XPR1: variants seen among roughly 807,000 people sequenced by gnomAD.
XPR1 encodes solute carrier family 53 member 1.
XPR1 carries 28 observed loss-of-function variants against 87.5 expected under a neutral mutation model. The ratio of observed to expected loss-of-function variants is 0.32; its 90% CI spans 0.24 to 0.44. The LOEUF (loss-of-function observed/expected upper bound fraction) is 0.44. Among genes scored for constraint, XPR1 ranks in the 20% least tolerant of loss-of-function variants. The pLI, the probability that XPR1 is intolerant of heterozygous loss-of-function variation, is 1.00. For missense variants in XPR1, 559 were observed against 862.3 expected, an observed-to-expected ratio of 0.65 and a Z score of 4.41; for synonymous variants, 300 against 306.1, an observed-to-expected ratio of 0.98 and a Z score of 0.21.
intron 2 of XPR1, among the ~76,000 whole-genome samples, chr1:180,743,173 A>G (rs1658973689): frequency 6.9e-6 from 1 of 144,132 alleles, no homozygotes; most frequent in Non-Finnish European, 1.5e-5. Context: ...TGTTATTATT[A>G]TTATTTTTTT....
At chr1:180,692,991 T>C (rs1197355992) in intron 2 of XPR1, among the ~76,000 whole-genome samples, 1 of 152,216 alleles carries the variant, frequency 6.6e-6, no homozygotes, top group African/African-American at 2.4e-5. Context: ...GTTTTAGTTA[T>C]CACACAGTGT....
rs183743433 is a variant in XPR1 at position 180,645,443 on chromosome 1, G to A, written c.69+13173G>A. On this transcript the variant is annotated intron_variant, in intron 1 of 14. Coordinates refer to ENST00000367590, the MANE Select transcript of XPR1 (RefSeq NM_004736.4). ...TTTGAATGCAGCCACTTTATCTGCC[G>A]ACTTGATCACAGTTGTCCATCTCTC... Among the ~76,000 whole-genome samples the A allele has an allele frequency of 5.7e-3, 871 of 152,286 alleles. 5 individuals are homozygous for A. The highest frequency in any genetic ancestry group is 0.01 in the Non-Finnish European group (708 of 68,034).
chr1:180,804,443 AT>A (rs1381590586), intron 4 of XPR1, among the ~76,000 whole-genome samples: 1 of 152,208 alleles, frequency 6.6e-6, no homozygotes, highest in Non-Finnish European at 1.5e-5. Context: ...ATAAAATCAT[AT>A]TTTTTAAAAG....
At position 180,763,358 on chromosome 1, in the gene XPR1, A is replaced by G. The variant is rs187548444; in HGVS notation, c.122-24395A>G. 9.1e-4 allele frequency among the ~76,000 whole-genome samples: 138 copies of G among 152,336 alleles called. 1 individual carries two copies. In the Middle Eastern group the frequency reaches 0.01, roughly 11 times the overall value. On this transcript the variant is annotated intron_variant, in intron 2 of 14. Transcript: ENST00000367590. ...AATCTCTGGCCTGTGACTATTTTCA[A>G]TGATGATGATGAACAAGGTGGTGAC...
intron 1 of XPR1, among the ~76,000 whole-genome samples, chr1:180,651,606 C>A (rs1655293255): frequency 6.6e-6 from 1 of 152,008 alleles, no homozygotes; most frequent in African/African-American, 2.4e-5. Flanking sequence ...TGATAAAATA[C>A]AATAGTATTT....
intron 11 of XPR1, among the ~76,000 whole-genome samples, chr1:180,837,967 A>G (rs1651362210): frequency 6.6e-6 from 1 of 152,192 alleles, no homozygotes; most frequent in Non-Finnish European, 1.5e-5. Flanking sequence ...AATATTTTAG[A>G]ACATAATATA....
intron 11 of XPR1, among the ~76,000 whole-genome samples, chr1:180,859,090 A>G (rs1652134327): frequency 4.3e-3 from 2 of 468 alleles, no homozygotes; most frequent in African/African-American, 0.012. Context: ...GTGGTGCCAC[A>G]TTTTTCATTT....
At chr1:180,685,845 AT>A (rs1656752212) in intron 2 of XPR1, among the ~76,000 whole-genome samples, 1 of 151,848 alleles carries the variant, frequency 6.6e-6, no homozygotes, top group South Asian at 2.1e-4. Flanking sequence ...CCCCTTTATC[AT>A]TTTTTATTGT....
At position 180,756,888 on chromosome 1, in the gene XPR1, C is replaced by T. The variant is rs115402467; in HGVS notation, c.122-30865C>T. Reference sequence around the variant, plus strand: ...TTTTGCATATGATATTCAGTTGTCCCACCACCATTTGTTGAAAAGACTAGT... The same window carrying T: ...TTTTGCATATGATATTCAGTTGTCCTACCACCATTTGTTGAAAAGACTAGT... On this transcript the variant is annotated intron_variant, in intron 2 of 14. Coordinates refer to ENST00000367590, the MANE Select transcript of XPR1 (RefSeq NM_004736.4). Among the ~76,000 whole-genome samples the T allele has an allele frequency of 7.8e-3, 1,184 of 152,248 alleles. 16 individuals carry two copies. Among genetic ancestry groups the T allele is most frequent in the African/African-American group, 0.027 (1,131 of 41,546 alleles).
At chr1:180,708,908 TTGGG>T (rs1488113211) in intron 2 of XPR1, among the ~76,000 whole-genome samples, 18 of 25,684 alleles carry the variant, frequency 7.0e-4, no homozygotes, top group South Asian at 2.8e-3. Context: ...TTTTTTTTTT[TTGGG>T]GGGGGGGGGG....
intron 2 of XPR1, among the ~76,000 whole-genome samples, chr1:180,767,237 GT>G: frequency 6.6e-6 from 1 of 152,264 alleles, no homozygotes; most frequent in South Asian, 2.1e-4. Flanking sequence ...AATCAGAAGA[GT>G]TTTAATAATG....
chr1:180,704,814 G>GTTTTTTTTTTTTTTTTTTTTT (rs567903048), intron 2 of XPR1, among the ~76,000 whole-genome samples: 1 of 51,944 alleles, frequency 1.9e-5, no homozygotes, highest in Non-Finnish European at 3.5e-5. Context: ...ACTGTTGGTT[G>GTTTTTTTTTTTTTTTTTTTTT]TTTTTTTTTT....
intron 3 of XPR1, among the ~76,000 whole-genome samples, chr1:180,792,334 TAGTC>T (rs1649419014): frequency 6.6e-6 from 1 of 152,244 alleles, no homozygotes; most frequent in African/African-American, 2.4e-5. Context: ...TGTCTGTTTC[TAGTC>T]ATATCAAAAA....
rs1390577915 is a variant in XPR1 at position 180,790,667 on chromosome 1, G to C, written c.223+2813G>C. Among the ~76,000 whole-genome samples the C allele has an allele frequency of 2.6e-5, 4 of 151,900 alleles. No homozygotes were observed. The East Asian group carries it at 7.7e-4, about 29-fold the overall frequency. ...TCATTCTCCTGCCTCAGCCTCCCGA[G>C]TAGCTGGGACTACAGGCACCCACCA... On this transcript the variant is annotated intron_variant, in intron 3 of 14. Coordinates refer to ENST00000367590, the MANE Select transcript of XPR1 (RefSeq NM_004736.4).
chr1:180,741,324 G>A (rs902352586), intron 2 of XPR1, among the ~76,000 whole-genome samples: 73 of 151,672 alleles, frequency 4.8e-4, no homozygotes, highest in African/African-American at 1.6e-3. Flanking sequence ...CCACCACGCC[G>A]AGCTAATTTT....
chr1:180,811,263 C>G (rs765616126), intron 6 of XPR1, 144 bp from the exon 7 acceptor site: 28 of 688,124 alleles, frequency 4.1e-5, no homozygotes, highest in Non-Finnish European at 5.7e-5. Flanking sequence ...GGTTGATTCT[C>G]TGGTTCAGAT....
intron 2 of XPR1, among the ~76,000 whole-genome samples, chr1:180,787,297 G>C (rs200438772): frequency 7.0e-6 from 1 of 141,868 alleles, no homozygotes; most frequent in African/African-American, 2.6e-5. Context: ...TTTTTTTTTT[G>C]TTTTTTTTGT....
At chr1:180,760,011 A>G (rs1400731074) in intron 2 of XPR1, among the ~76,000 whole-genome samples, 1 of 152,216 alleles carries the variant, frequency 6.6e-6, no homozygotes, top group African/African-American at 2.4e-5. Context: ...AAAGACAAAA[A>G]TCACATGATT....
chr1:180,666,616 T>G (rs1304578985), intron 1 of XPR1, among the ~76,000 whole-genome samples: 1 of 152,238 alleles, frequency 6.6e-6, no homozygotes, highest in African/African-American at 2.4e-5. Flanking sequence ...GATTGTTGGT[T>G]GTTAGTGTAT....
Sources: allele counts gnomAD v4.1 joint callset (sites outside exome capture counted in the v4.1 genomes callset), GRCh38; gene constraint gnomAD v4.1.1; transcripts MANE v1.5; gene names NCBI Gene and HGNC (gene_info 2026-07-23, HGNC 2026-07-21).